Variants in HYLS1 observed in about 807,000 individuals in gnomAD.
HYLS1 encodes the protein centriolar and ciliogenesis-associated protein HYLS1.
Under a neutral mutation model 29.4 loss-of-function variants are expected in HYLS1, and 25 were observed. The ratio of observed to expected loss-of-function variants is 0.85; its 90% CI spans 0.62 to 1.19. The LOEUF is 1.19. Among genes scored for constraint, HYLS1 ranks in the 50% most tolerant of loss-of-function variants. HYLS1 has a pLI of 0.00. For missense variants in HYLS1, 352 were observed against 365.1 expected (o/e 0.96, Z 0.29); for synonymous variants, 128 against 126.7 (o/e 1.01, Z -0.07).
At chr11:125,890,504 A>C (rs1944390631) in intron 1 of HYLS1, among the ~76,000 whole-genome samples, 1 of 152,172 alleles carries the variant, frequency 6.6e-6, no homozygotes, top group Non-Finnish European at 1.5e-5. Flanking sequence ...GAAATTTGTT[A>C]TAACTCTGCA....
rs777837630 is a variant in HYLS1, at chr11:125,900,318, A to G, written c.*50A>G. On this transcript the variant is annotated 3_prime_UTR_variant, in exon 3 of 3. Transcript: ENST00000425380. The stretch of plus-strand genomic sequence containing the variant: ...ATTGTTTGAGATAACCTAGCTCTTT[A>G]TATCTTCCCTTTTAAATAGAAACAA... The G allele has an allele frequency of 1.7e-4, 269 of 1,546,524 alleles. 2 individuals carry two copies. The highest frequency in any genetic ancestry group is 3.0e-5 in the Non-Finnish European group (34 of 1,119,956).
chr11:125,895,809 T>C lies in HYLS1; in HGVS notation c.-25-3535T>C, dbSNP rs373243280. ...GATCACCTGTGGAGTTAGACAAAGA[T>C]ACTGGGTTTTAGAGACACAAATAAT... On this transcript the variant is annotated intron_variant, in intron 2 of 2. Transcript: ENST00000425380. 4 of 1,583,458 alleles carry C rather than the reference T, an allele frequency of 2.5e-6. No individual in the cohort carries two copies. The African/African-American group carries it at 5.4e-5, about 21-fold the overall frequency.
intron 2 of HYLS1, among the ~76,000 whole-genome samples, chr11:125,892,389 A>G (rs1197335861): frequency 6.6e-6 from 1 of 152,232 alleles, no homozygotes; most frequent in African/African-American, 2.4e-5. Context: ...GTTGCAAAGG[A>G]TAATGTATTT....
chr11:125,888,193 AG>A (rs1390030504), intron 1 of HYLS1: 1 of 152,276 alleles, frequency 6.6e-6, no homozygotes, highest in Non-Finnish European at 1.5e-5. Context: ...TGCCGTTGAA[AG>A]GCGGAGCGTG....
At chr11:125,889,651 C>T (rs951738812) in intron 1 of HYLS1, among the ~76,000 whole-genome samples, 4 of 151,988 alleles carry the variant, frequency 2.6e-5, no homozygotes, top group Admixed American at 2.6e-4. Flanking sequence ...GCAGGAGAAT[C>T]GCTTGAACCT....
upstream of HYLS1, chr11:125,886,939 A>AG (rs1944315091): frequency 6.6e-6 from 1 of 152,348 alleles, no homozygotes; most frequent in African/African-American, 2.4e-5. Flanking sequence ...AAAAAAAAAA[A>AG]GTTGAGAGTA....
At chr11:125,885,441 ACT>A (rs776032077), upstream of HYLS1, among the ~76,000 whole-genome samples, 8 of 151,582 alleles carry the variant, frequency 5.3e-5, no homozygotes, top group Non-Finnish European at 1.0e-4. Context: ...ACAGAGAGAG[ACT>A]CTGTCTCAAA....
intron 2 of HYLS1, chr11:125,899,081 A>G (rs890278704): frequency 1.0e-5 from 4 of 381,438 alleles, no homozygotes; most frequent in Non-Finnish European, 1.4e-5. Flanking sequence ...TTCTTATGCC[A>G]GAACTATACT....
intron 1 of HYLS1, 152 bp downstream of exon 1, chr11:125,887,917 T>C (rs1467819020): frequency 6.7e-6 from 1 of 150,066 alleles, no homozygotes; most frequent in Non-Finnish European, 1.5e-5. Context: ...TGGCGAGCCG[T>C]CCCCAACGTC....
rs78786765 is a variant in HYLS1, at chr11:125,899,641, G to T, written c.273G>T (p.Lys91Asn). Residue 91 changes from lysine to asparagine, a missense_variant, in exon 3 of 3, where the codon AAG (lysine) becomes AAT (asparagine). By Grantham distance (94) the Lys-to-Asn change is moderately conservative. Transcript: ENST00000425380. The stretch of plus-strand genomic sequence containing the variant: ...CTGAGGCCTCCCAAAGACTCCGAAA[G>T]CCAGTGATGAAGAGAAAGGTGCTGC... ...TVSEASQRLR[K>N]PVMKRKVLRR... 2,537 of 1,614,190 alleles carry T rather than the reference G, an allele frequency of 1.6e-3. 31 individuals carry two copies. The African/African-American group carries it at 0.024, about 15-fold the overall frequency.
At chr11:125,893,170 T>G (rs373512925) in intron 2 of HYLS1, among the ~76,000 whole-genome samples, 21 of 152,208 alleles carry the variant, frequency 1.4e-4, no homozygotes, top group East Asian at 3.8e-4. Context: ...TAAAGGATTG[T>G]AAAAACATGT....
rs1944405860 is a variant in HYLS1, at chr11:125,891,454, CAA to C, written c.-43_-42del. ...TTTTTACTTGAATGTAAATACCAAT[CAA>C]GATACATTGAAATAAGGTAAGAAAT... is the stretch of plus-strand genomic sequence containing the variant. On this transcript the variant is annotated 5_prime_UTR_variant, in exon 2 of 3. Coordinates refer to ENST00000425380, the MANE Select transcript of HYLS1 (RefSeq NM_001134793.2). The C allele has an allele frequency of 1.4e-5, 1 of 69,266 alleles. No individual in the cohort carries two copies. The allele number at this position is 69,266 out of a possible 1,614,324, so 4.3% of individuals were successfully genotyped here. A position where few individuals can be genotyped will look rare whatever the true frequency, so the allele number is the denominator to read the frequency against.
At chr11:125,888,928 C>T (rs1185978991) in intron 1 of HYLS1, among the ~76,000 whole-genome samples, 2 of 152,048 alleles carry the variant, frequency 1.3e-5, no homozygotes, top group African/African-American at 4.8e-5. Flanking sequence ...ATCCGAGCAA[C>T]ATTTAGTACG....
Position 125,900,436 on chromosome 11 carries a change from A to G in HYLS1, c.*168A>G. On this transcript the variant is annotated 3_prime_UTR_variant, in exon 3 of 3. Coordinates refer to ENST00000425380, the MANE Select transcript of HYLS1 (RefSeq NM_001134793.2). Reference sequence around the variant, plus strand: ...ATATATCACATTGGTATCAGATGATACTTCCAAATTGCCACTCAAATCCAG... The same window carrying G: ...ATATATCACATTGGTATCAGATGATGCTTCCAAATTGCCACTCAAATCCAG... The G allele has an allele frequency of 1.6e-6, 1 of 644,790 alleles. No homozygotes were observed. Among genetic ancestry groups the G allele is most frequent in the Non-Finnish European group, 2.7e-6 (1 of 367,012 alleles). The allele number at this position is 644,790 out of a possible 1,614,324, so 39.9% of individuals were successfully genotyped here.
chr11:125,892,083 C>T (rs544677151), intron 2 of HYLS1, among the ~76,000 whole-genome samples: 1 of 152,130 alleles, frequency 6.6e-6, no homozygotes, highest in Non-Finnish European at 1.5e-5. Context: ...ATCTCATAAA[C>T]ATGGTAGAAT....
chr11:125,895,235 C>T (rs774278692), intron 2 of HYLS1: 2 of 1,586,396 alleles, frequency 1.3e-6, no homozygotes, highest in Non-Finnish European at 1.7e-6. Flanking sequence ...TATATTGAGG[C>T]TTTTGGGGAT....
In HYLS1 at chr11:125,899,989, G is replaced by T. The variant is rs912096192; in HGVS notation, c.621G>T (p.Arg207=). ...AGCTGGACCAGTTAAGCCGAAACCG[G>T]GGCAAGACAGACCGGGTAGCCCGGT... ...LPKLDQLSRN[R]GKTDRVARYF... is the part of the protein sequence containing the mutation. Residue 207 remains arginine (R), a synonymous_variant, in exon 3 of 3, where the codon CGG becomes CGT. Coordinates refer to ENST00000425380, the MANE Select transcript of HYLS1 (RefSeq NM_001134793.2). 4 of 1,614,090 alleles carry T rather than the reference G, an allele frequency of 2.5e-6. No individual in the cohort carries two copies. The African/African-American group carries it at 5.3e-5, about 22-fold the overall frequency.
chr11:125,892,544 C>T (rs770794379), intron 2 of HYLS1, among the ~76,000 whole-genome samples: 17 of 152,198 alleles, frequency 1.1e-4, no homozygotes, highest in Non-Finnish European at 2.4e-4. Flanking sequence ...ATTTTGCTCA[C>T]ATCTGAAACT....
chr11:125,896,338 G>A, intron 2 of HYLS1: 1 of 1,495,148 alleles, frequency 6.7e-7, no homozygotes, highest in Non-Finnish European at 9.1e-7. Context: ...TGTCTGAAAA[G>A]AGAGCAAAGG....
Sources: allele counts gnomAD v4.1 joint callset (sites outside exome capture counted in the v4.1 genomes callset), GRCh38; gene constraint gnomAD v4.1.1; transcripts MANE v1.5; gene names NCBI Gene and HGNC (gene_info 2026-07-23, HGNC 2026-07-21).